Variants in GABBR1 observed in about 807,000 individuals in gnomAD.
GABBR1 encodes gamma-aminobutyric acid type B receptor subunit 1, also known as GABA-B receptor, R1 subunit.
Under a neutral mutation model 117.7 loss-of-function variants are expected in GABBR1, and 35 were observed. The observed-to-expected ratio is 0.30, with a 90% confidence interval of 0.23 to 0.39. The LOEUF (loss-of-function observed/expected upper bound fraction) is 0.39, where lower values mean the gene tolerates loss of function less well. GABBR1 is among the 10% of genes least tolerant of loss of function. GABBR1 has a pLI of 1.00. For missense variants in GABBR1, 709 were observed against 1,241.8 expected (o/e 0.57, Z 6.45); for synonymous variants, 442 against 486.6 (o/e 0.91, Z 1.21).
chr6:29,631,021 T>A lies in GABBR1; in HGVS notation c.289+375A>T, dbSNP rs889680326. On this transcript the variant is annotated intron_variant, in intron 3 of 22. Coordinates refer to ENST00000377034, the MANE Select transcript of GABBR1 (RefSeq NM_001470.4). The surrounding 1 kb of genome is among the most constrained non-coding windows in gnomAD (Gnocchi z 5.9). ...CTTCTATTAATATTAAACTGGCTTT[T>A]GTTTCTTGGGCATATGGTCTCTGGG... 6.6e-6 allele frequency among the ~76,000 whole-genome samples: 1 copy of A among 152,238 alleles called. No homozygotes were observed. The highest frequency in any genetic ancestry group is 2.4e-5 in the African/African-American group (1 of 41,462).
At position 29,608,548 on chromosome 6, in the gene GABBR1, G is replaced by C. The variant is rs3025635; in HGVS notation, c.1992+53C>G. The C allele has an allele frequency of 6.9e-4, 1,097 of 1,583,386 alleles. 6 individuals carry two copies. The African/African-American group carries it at 0.014, about 20-fold the overall frequency. Reference sequence around the variant, plus strand: ...ATCATAAATCATGGAAGGTGCTCCTGAGACGGGTGGGAGAGTCACATCCTG... The same window carrying C: ...ATCATAAATCATGGAAGGTGCTCCTCAGACGGGTGGGAGAGTCACATCCTG... On this transcript the variant is annotated intron_variant, in intron 16 of 22. Transcript: ENST00000377034.
At chr6:29,629,470 G>A (rs1276214344) in intron 4 of GABBR1, among the ~76,000 whole-genome samples, 1 of 152,062 alleles carries the variant, frequency 6.6e-6, no homozygotes, top group African/African-American at 2.4e-5. Context: ...TCTTATTTCT[G>A]CAATTTTTAC....
Position 29,632,293 on chromosome 6 carries a change from G to A in GABBR1, c.85+8C>T, listed in dbSNP as rs966436271. Reference sequence around the variant, plus strand: ...AGGAGGGCCGGAGGTCGTCGAAGAAGGATGCACCTTCTGAGGTGGCGTTGG... The same window carrying A: ...AGGAGGGCCGGAGGTCGTCGAAGAAAGATGCACCTTCTGAGGTGGCGTTGG... On this transcript the variant is annotated splice_region_variant and intron_variant, in intron 2 of 22. Coordinates refer to ENST00000377034, the MANE Select transcript of GABBR1 (RefSeq NM_001470.4). This position sits in a 1 kb window ranked among gnomAD's most constrained non-coding sequence, Gnocchi z 5.8. 29 of 1,381,588 alleles carry A rather than the reference G, an allele frequency of 2.1e-5. No homozygotes were observed. The highest frequency in any genetic ancestry group is 2.5e-5 in the Non-Finnish European group (27 of 1,063,914). 85.6% of individuals were successfully genotyped at this position (1,381,588 alleles called of 1,614,324 possible). A position where few individuals can be genotyped will look rare whatever the true frequency, so the allele number is the denominator to read the frequency against.
chr6:29,628,166 G>A lies in GABBR1; in HGVS notation c.497-520C>T, dbSNP rs796926527. 8.3e-4 allele frequency: 536 copies of A among 649,424 alleles called. 6 individuals are homozygous for A. In the African/African-American group the frequency reaches 0.011, roughly 13 times the overall value. The allele number at this position is 649,424 out of a possible 1,614,324, so 40.2% of individuals were successfully genotyped here. A position where few individuals can be genotyped will look rare whatever the true frequency, so the allele number is the denominator to read the frequency against. On this transcript the variant is annotated intron_variant, in intron 5 of 22. Transcript: ENST00000377034. ...CGGGGAGGGAAGCGAGCGCCGAGGT[G>A]GGAGCGACAGTCGGAGGGGCGGGGA...
In GABBR1 at chr6:29,607,784, A is replaced by AATC. The variant is rs1364271040; in HGVS notation, c.1993-569_1993-567dup. Among the ~76,000 whole-genome samples the AATC allele has an allele frequency of 6.6e-6, 1 of 152,174 alleles. No individual in the cohort carries two copies. The highest frequency in any genetic ancestry group is 6.5e-5 in the Admixed American group (1 of 15,268). ...GCCACCTCTTCAGTGAGGTCCACCC[A>AATC]ATCACGCCAGCAGTGAACTGTGTTC... On this transcript the variant is annotated intron_variant, in intron 16 of 22. Transcript: ENST00000377034. This position sits in a 1 kb window ranked among gnomAD's most constrained non-coding sequence, Gnocchi z 5.0.
chr6:29,606,331 C>T lies in GABBR1; in HGVS notation c.2311+60G>A, dbSNP rs1761949977. 3 of 1,253,684 alleles carry T rather than the reference C, an allele frequency of 2.4e-6. No homozygotes were observed. Among genetic ancestry groups the T allele is most frequent in the African/African-American group, 1.5e-5 (1 of 67,846 alleles). The allele number at this position is 1,253,684 out of a possible 1,614,324, so 77.7% of individuals were successfully genotyped here. ...GACCCCTCTCCCTCCAAGCCCTCTA[C>T]CCCTGCCTTCCCTCCTGCCTTTGTG... On this transcript the variant is annotated intron_variant, in intron 19 of 22. Coordinates refer to ENST00000377034, the MANE Select transcript of GABBR1 (RefSeq NM_001470.4). The surrounding 1 kb of genome is among the most constrained non-coding windows in gnomAD (Gnocchi z 4.5).
rs543901658 is a variant in GABBR1 at position 29,611,023 on chromosome 6, G to A, written c.1631-22C>T. ...CCACCTGGGCAGACGACAATAAAAG[G>A]AGTGACCACAGGTAGCCAAAGAGCT... is the stretch of plus-strand genomic sequence containing the variant. On this transcript the variant is annotated intron_variant, in intron 13 of 22. Transcript: ENST00000377034. This position sits in a 1 kb window ranked among gnomAD's most constrained non-coding sequence, Gnocchi z 4.6. The A allele has an allele frequency of 4.4e-6, 7 of 1,599,034 alleles. No homozygotes were observed. Among genetic ancestry groups the A allele is most frequent in the Non-Finnish European group, 6.0e-6 (7 of 1,167,338 alleles).
Position 29,632,264 on chromosome 6 carries a change from G to T in GABBR1, c.85+37C>A. ...GGAGATGCAGGGAAAGGGAAGTGGA[G>T]CGAAGGAGGGCCGGAGGTCGTCGAA... On this transcript the variant is annotated intron_variant, in intron 2 of 22. Coordinates refer to ENST00000377034, the MANE Select transcript of GABBR1 (RefSeq NM_001470.4). This position sits in a 1 kb window ranked among gnomAD's most constrained non-coding sequence, Gnocchi z 5.8. 1.6e-6 allele frequency: 2 copies of T among 1,230,158 alleles called. No individual in the cohort carries two copies. Among genetic ancestry groups the T allele is most frequent in the Non-Finnish European group, 1.1e-6 (1 of 926,798 alleles). 76.2% of individuals were successfully genotyped at this position (1,230,158 alleles called of 1,614,324 possible). A position where few individuals can be genotyped will look rare whatever the true frequency, so the allele number is the denominator to read the frequency against.
In GABBR1 at chr6:29,602,768, C is replaced by T. The variant is rs1468994270; in HGVS notation, c.*775G>A. The T allele has an allele frequency of 2.0e-5, 7 of 345,892 alleles. No individual in the cohort carries two copies. The highest frequency in any genetic ancestry group is 8.6e-5 in the African/African-American group (4 of 46,608). The allele number at this position is 345,892 out of a possible 1,614,324, so 21.4% of individuals were successfully genotyped here. A position where few individuals can be genotyped will look rare whatever the true frequency, so the allele number is the denominator to read the frequency against. On this transcript the variant is annotated 3_prime_UTR_variant, in exon 23 of 23. Coordinates refer to ENST00000377034, the MANE Select transcript of GABBR1 (RefSeq NM_001470.4). The stretch of plus-strand genomic sequence containing the variant: ...GAAAGACATGACTCAGCATGCTAGA[C>T]AAATTGCACATGCCTACCCAAACAC...
Position 29,631,337 on chromosome 6 carries a change from A to C in GABBR1, c.289+59T>G. The C allele has an allele frequency of 6.6e-7, 1 of 1,525,242 alleles. No individual in the cohort carries two copies. The highest frequency in any genetic ancestry group is 9.1e-7 in the Non-Finnish European group (1 of 1,103,194). The allele number at this position is 1,525,242 out of a possible 1,614,324, so 94.5% of individuals were successfully genotyped here. ...TGCTGACTTGCAAGCAGTAATGCTA[A>C]GTTTGCGGCAGGAAAAGGAATAGTC... On this transcript the variant is annotated intron_variant, in intron 3 of 22. Transcript: ENST00000377034. This position sits in a 1 kb window ranked among gnomAD's most constrained non-coding sequence, Gnocchi z 5.9.
rs532613258 is a variant in GABBR1 at position 29,630,651 on chromosome 6, G to A, written c.290-8C>T. ...ACTTGGAGCAGATTCGGACTGTGGA[G>A]AGATAGGAAAATAAGAAGAGAGGCG... is the stretch of plus-strand genomic sequence containing the variant. On this transcript the variant is annotated splice_region_variant and splice_polypyrimidine_tract_variant and intron_variant, in intron 3 of 22. Coordinates refer to ENST00000377034, the MANE Select transcript of GABBR1 (RefSeq NM_001470.4). This position sits in a 1 kb window ranked among gnomAD's most constrained non-coding sequence, Gnocchi z 4.9. The A allele has an allele frequency of 6.3e-7, 1 of 1,598,480 alleles. No individual in the cohort carries two copies. The highest frequency in any genetic ancestry group is 2.2e-5 in the East Asian group (1 of 44,472).
intron 6 of GABBR1, among the ~76,000 whole-genome samples, chr6:29,625,858 T>G (rs1269386339): frequency 1.3e-5 from 2 of 152,036 alleles, no homozygotes; most frequent in African/African-American, 2.4e-5. Flanking sequence ...AAACCAATGA[T>G]CTCTCTGACT....
At position 29,627,755 on chromosome 6, in the gene GABBR1, G is replaced by A. The variant is rs1436245497; in HGVS notation, c.497-109C>T. On this transcript the variant is annotated intron_variant, in intron 5 of 22. Transcript: ENST00000377034. This position sits in a 1 kb window ranked among gnomAD's most constrained non-coding sequence, Gnocchi z 4.4. ...GCCATCACAACCAGAAGCGGCAGTG[G>A]CCACCCCACCCGGGCAAAAGGGGCC... The A allele has an allele frequency of 1.3e-6, 2 of 1,490,240 alleles. No individual in the cohort carries two copies. The highest frequency in any genetic ancestry group is 1.3e-5 in the South Asian group (1 of 78,092). The allele number at this position is 1,490,240 out of a possible 1,614,324, so 92.3% of individuals were successfully genotyped here.
At position 29,627,945 on chromosome 6, in the gene GABBR1, T is replaced by A. The variant is rs1301104086; in HGVS notation, c.497-299A>T. The A allele has an allele frequency of 7.4e-7, 1 of 1,348,178 alleles. No individual in the cohort carries two copies. Among genetic ancestry groups the A allele is most frequent in the Non-Finnish European group, 9.4e-7 (1 of 1,059,446 alleles). The allele number at this position is 1,348,178 out of a possible 1,614,324, so 83.5% of individuals were successfully genotyped here. A position where few individuals can be genotyped will look rare whatever the true frequency, so the allele number is the denominator to read the frequency against. The stretch of plus-strand genomic sequence containing the variant: ...AGGGCCCCGGAGAAGCAGGGAAGGT[T>A]GGCTTCCTACGGCCCCCGCGGCTCT... On this transcript the variant is annotated intron_variant, in intron 5 of 22. Coordinates refer to ENST00000377034, the MANE Select transcript of GABBR1 (RefSeq NM_001470.4). The surrounding 1 kb of genome is among the most constrained non-coding windows in gnomAD (Gnocchi z 4.4).
rs1761917747 is a variant in GABBR1 at position 29,606,034 on chromosome 6, G to A, written c.2312-338C>T. 1.9e-6 allele frequency: 1 copy of A among 513,622 alleles called. No individual in the cohort carries two copies. Among genetic ancestry groups the A allele is most frequent in the Admixed American group, 3.4e-5 (1 of 29,330 alleles). The allele number at this position is 513,622 out of a possible 1,614,324, so 31.8% of individuals were successfully genotyped here. A position where few individuals can be genotyped will look rare whatever the true frequency, so the allele number is the denominator to read the frequency against. On this transcript the variant is annotated intron_variant, in intron 19 of 22. Coordinates refer to ENST00000377034, the MANE Select transcript of GABBR1 (RefSeq NM_001470.4). This position sits in a 1 kb window ranked among gnomAD's most constrained non-coding sequence, Gnocchi z 4.5. Reference sequence around the variant, plus strand: ...TACAGGTGGGAAGGTGGCTTTCCAGGCAGAGGGTAGGTTTGCAATTTGTGA... The same window carrying A: ...TACAGGTGGGAAGGTGGCTTTCCAGACAGAGGGTAGGTTTGCAATTTGTGA...
At position 29,621,802 on chromosome 6, in the gene GABBR1, T is replaced by C. The variant is rs1404844440; in HGVS notation, c.1081A>G (p.Ile361Val). 2.5e-6 allele frequency: 4 copies of C among 1,614,128 alleles called. No individual in the cohort carries two copies. The highest frequency in any genetic ancestry group is 3.4e-6 in the Non-Finnish European group (4 of 1,180,010). ...VKNLKRQDAR[I>V]IVGLFYETEA... ...GTCTCATAGAAAAGTCCCACGATGA[T>C]TCGGGCATCCTGGCGCTACAACAGA... Residue 361 changes from isoleucine to valine, a missense_variant, in exon 10 of 23, where the codon ATC (isoleucine) becomes GTC (valine). Ile to Val is a conservative substitution (Grantham distance 29). Transcript: ENST00000377034. The surrounding 1 kb of genome is among the most constrained non-coding windows in gnomAD (Gnocchi z 5.0).
In GABBR1 at chr6:29,605,889, T is replaced by C. The variant is rs562761841; in HGVS notation, c.2312-193A>G. 9.7e-6 allele frequency: 6 copies of C among 620,038 alleles called. No individual in the cohort carries two copies. The highest frequency in any genetic ancestry group is 1.7e-5 in the Non-Finnish European group (6 of 358,202). 38.4% of individuals were successfully genotyped at this position (620,038 alleles called of 1,614,324 possible). A position where few individuals can be genotyped will look rare whatever the true frequency, so the allele number is the denominator to read the frequency against. On this transcript the variant is annotated intron_variant, in intron 19 of 22. Transcript: ENST00000377034. This position sits in a 1 kb window ranked among gnomAD's most constrained non-coding sequence, Gnocchi z 4.2. ...GTCCACCCAACTTGCCCAGACCACATCACTTTTTCCTGGGATTCACACAGG... is the reference window on the plus strand; with the variant it reads ...GTCCACCCAACTTGCCCAGACCACACCACTTTTTCCTGGGATTCACACAGG...
rs939731842 is a variant in GABBR1, at chr6:29,602,442, A to C, written c.*1101T>G. ...CACTTATTTTTCCTTAATTCCCCTC[A>C]AAAAAACACAAAACAAAAGGGAGCA... On this transcript the variant is annotated 3_prime_UTR_variant, in exon 23 of 23. Transcript: ENST00000377034. 4.5e-5 allele frequency: 7 copies of C among 154,892 alleles called. No individual in the cohort carries two copies. Among genetic ancestry groups the C allele is most frequent in the Admixed American group, 4.4e-4 (7 of 16,008 alleles). 9.6% of individuals were successfully genotyped at this position (154,892 alleles called of 1,614,324 possible). A position where few individuals can be genotyped will look rare whatever the true frequency, so the allele number is the denominator to read the frequency against.
At chr6:29,615,435 C>T (rs376140513) in intron 11 of GABBR1, among the ~76,000 whole-genome samples, 1 of 151,750 alleles carries the variant, frequency 6.6e-6, no homozygotes, top group Non-Finnish European at 1.5e-5. Flanking sequence ...CCTGGTGAAA[C>T]CCGTCTCTAC....
Sources: allele counts gnomAD v4.1 joint callset (sites outside exome capture counted in the v4.1 genomes callset), GRCh38; gene constraint gnomAD v4.1.1; non-coding constraint Gnocchi (gnomAD v3.1); transcripts MANE v1.5; gene names NCBI Gene and HGNC (gene_info 2026-07-23, HGNC 2026-07-21).